Variants in DNAJC16 observed in about 807,000 individuals in gnomAD.
The protein encoded by DNAJC16 is dnaJ homolog subfamily C member 16.
Under a neutral mutation model 92.7 loss-of-function variants are expected in DNAJC16, and 76 were observed. That is an observed-to-expected ratio of 0.82 (90% CI 0.68 to 0.99). The LOEUF (loss-of-function observed/expected upper bound fraction) is 0.99, where lower values mean the gene tolerates loss of function less well. Ranked by LOEUF, DNAJC16 falls within the 50% of genes least tolerant of loss-of-function variation. The probability of loss-of-function intolerance (pLI) is 0.00; values close to 1 mark genes in which losing one functional copy is unlikely to be tolerated. For synonymous variants in DNAJC16, 328 were observed against 358.7 expected (o/e 0.91, Z 0.97); for missense variants, 869 against 942.4 (o/e 0.92, Z 1.02).
Position 15,559,533 on chromosome 1 carries a change from G to A in DNAJC16, c.1031G>A (p.Gly344Asp). The A allele has an allele frequency of 6.2e-7, 1 of 1,614,048 alleles. No individual in the cohort carries two copies. Among genetic ancestry groups the A allele is most frequent in the Non-Finnish European group, 8.5e-7 (1 of 1,179,960 alleles). ...NRPADVIQAR[G>D]MKKQIIDDFI... Reference sequence around the variant, plus strand: ...TTCTTGGTTTTTCTCTAGGCCCGAGGTATGAAGAAGCAAATCATTGACGAC... The same window carrying A: ...TTCTTGGTTTTTCTCTAGGCCCGAGATATGAAGAAGCAAATCATTGACGAC... Residue 344 changes from glycine (G) to aspartate (D), a missense_variant, in exon 8 of 15, where the codon GGT (glycine) becomes GAT (aspartate). Gly to Asp is a moderately conservative substitution (Grantham distance 94). Transcript: ENST00000375847.
chr1:15,568,573 C>G lies in DNAJC16; in HGVS notation c.*396C>G. The G allele has an allele frequency of 2.4e-6, 1 of 410,580 alleles. No individual in the cohort carries two copies. Among genetic ancestry groups the G allele is most frequent in the African/African-American group, 2.0e-5 (1 of 48,934 alleles). 25.4% of individuals were successfully genotyped at this position (410,580 alleles called of 1,614,324 possible). A position where few individuals can be genotyped will look rare whatever the true frequency, so the allele number is the denominator to read the frequency against. ...CATGAGCCTGTCGTGCAGGCCAGGT[C>G]ATTGGCCCCTTCCCCAATCCCGGCC... On this transcript the variant is annotated 3_prime_UTR_variant, in exon 15 of 15. Coordinates refer to ENST00000375847, the MANE Select transcript of DNAJC16 (RefSeq NM_015291.4).
intron 7 of DNAJC16, among the ~76,000 whole-genome samples, chr1:15,554,558 T>C (rs909028450): frequency 2.1e-4 from 32 of 152,238 alleles, no homozygotes; most frequent in African/African-American, 7.7e-4. Flanking sequence ...ATAGAACAAA[T>C]CTCCTCACTT....
rs1435824057 is a variant in DNAJC16, at chr1:15,567,116, G to C, written c.1796G>C (p.Gly599Ala). ...CTCCACAGCAAGATTCCTAAAAAAG[G>C]CTTTGTGGAGGTAACTGAACTCACA... is the stretch of plus-strand genomic sequence containing the variant. ...KENSSKIPKK[G>A]FVEVTELTDV... Residue 599 changes from glycine to alanine, a missense_variant, in exon 14 of 15, where the codon GGC (glycine) becomes GCC (alanine). Coordinates refer to ENST00000375847, the MANE Select transcript of DNAJC16 (RefSeq NM_015291.4). The C allele has an allele frequency of 6.2e-7, 1 of 1,609,576 alleles. No homozygotes were observed. Among genetic ancestry groups the C allele is most frequent in the African/African-American group, 1.3e-5 (1 of 74,960 alleles).
chr1:15,530,885 G>C (rs1710642160), intron 2 of DNAJC16, among the ~76,000 whole-genome samples: 1 of 152,114 alleles, frequency 6.6e-6, no homozygotes, highest in Non-Finnish European at 1.5e-5. Flanking sequence ...ACGGGGTTTT[G>C]CCATATTGGC....
chr1:15,539,371 T>G (rs1710876991), intron 4 of DNAJC16, among the ~76,000 whole-genome samples: 1 of 151,502 alleles, frequency 6.6e-6, no homozygotes, highest in African/African-American at 2.4e-5. Context: ...TCAGCCTCCC[T>G]AGTAGCTGGG....
intron 4 of DNAJC16, among the ~76,000 whole-genome samples, chr1:15,539,544 CT>C (rs893838216): frequency 6.7e-5 from 10 of 148,718 alleles, no homozygotes; most frequent in Middle Eastern, 3.5e-3. Context: ...CCACGCCTGG[CT>C]TTTTTTTTTC....
At chr1:15,539,108 A>G (rs1050642543) in intron 4 of DNAJC16, among the ~76,000 whole-genome samples, 1 of 152,200 alleles carries the variant, frequency 6.6e-6, no homozygotes, top group Non-Finnish European at 1.5e-5. Context: ...GATGTTTACT[A>G]ATGCACGGAA....
At position 15,536,652 on chromosome 1, in the gene DNAJC16, A is replaced by G. The variant is rs771285717; in HGVS notation, c.412A>G (p.Ile138Val). Reference protein sequence around the residue: ...FPFNSERRDSIDEKYLLHFSH... With the variant: ...FPFNSERRDSVDEKYLLHFSH... Reference sequence around the variant, plus strand: ...TTTTAATTCTGAACGGCGGGACTCAATTGACGAAAAGTATTTATTGCACTT... The same window carrying G: ...TTTTAATTCTGAACGGCGGGACTCAGTTGACGAAAAGTATTTATTGCACTT... The change falls in exon 4 of 15, where the codon ATT (isoleucine) becomes GTT (valine). Residue 138 changes from isoleucine to valine, a missense_variant. Physicochemically the swap from Ile to Val is conservative, Grantham distance 29. Transcript: ENST00000375847. 6.2e-7 allele frequency: 1 copy of G among 1,614,122 alleles called. No individual in the cohort carries two copies.
At chr1:15,528,329 G>A (rs1008169815) in intron 1 of DNAJC16, among the ~76,000 whole-genome samples, 5 of 152,148 alleles carry the variant, frequency 3.3e-5, no homozygotes, top group Non-Finnish European at 2.9e-5. Flanking sequence ...AGCTACTGGG[G>A]AGGCTGAGAC....
At position 15,567,287 on chromosome 1, in the gene DNAJC16, T is replaced by A; in HGVS notation, c.1949+18T>A. ...TTTACTGGGTAAGCATGTGTGTGTG[T>A]GCATGTATGTATGTGTGTGAGAGAG... On this transcript the variant is annotated intron_variant, in intron 14 of 14. Coordinates refer to ENST00000375847, the MANE Select transcript of DNAJC16 (RefSeq NM_015291.4). 1 of 1,604,388 alleles carries A rather than the reference T, an allele frequency of 6.2e-7. No homozygotes were observed. Among genetic ancestry groups the A allele is most frequent in the Non-Finnish European group, 8.5e-7 (1 of 1,172,226 alleles).
chr1:15,528,111 G>A (rs1217086882), intron 1 of DNAJC16, among the ~76,000 whole-genome samples: 1 of 152,102 alleles, frequency 6.6e-6, no homozygotes, highest in Non-Finnish European at 1.5e-5. Context: ...TTTTCTTGCC[G>A]CTTTTTCTCA....
intron 7 of DNAJC16, among the ~76,000 whole-genome samples, chr1:15,551,869 C>T (rs1008772885): frequency 1.4e-4 from 22 of 151,736 alleles, no homozygotes; most frequent in Non-Finnish European, 3.1e-4. Flanking sequence ...CCCGTCTCTA[C>T]TAAAAATACA....
At chr1:15,552,488 CAA>C (rs985405995) in intron 7 of DNAJC16, among the ~76,000 whole-genome samples, 1 of 142,986 alleles carries the variant, frequency 7.0e-6, no homozygotes, top group Admixed American at 7.0e-5. Context: ...GACTTCATCT[CAA>C]AAAAAAAAAG....
chr1:15,567,292 GTA>G (rs747247097), intron 14 of DNAJC16, 23 bp downstream of exon 14: 1 of 1,597,864 alleles, frequency 6.3e-7, no homozygotes, highest in African/African-American at 1.3e-5. Flanking sequence ...GTGTGTGCAT[GTA>G]TGTATGTGTG....
At chr1:15,555,400 A>AG (rs1442668668) in intron 7 of DNAJC16, among the ~76,000 whole-genome samples, 10 of 148,088 alleles carry the variant, frequency 6.8e-5, no homozygotes, top group African/African-American at 2.5e-4. Flanking sequence ...AAAAAAAAAA[A>AG]GAGGCCGGGT....
chr1:15,549,675 G>A lies in DNAJC16; in HGVS notation c.1023+1247G>A, dbSNP rs548423054. Among the ~76,000 whole-genome samples the A allele has an allele frequency of 7.2e-5, 11 of 152,134 alleles. No homozygotes were observed. In the South Asian group the frequency reaches 1.7e-3, roughly 23 times the overall value. On this transcript the variant is annotated intron_variant, in intron 7 of 14. Coordinates refer to ENST00000375847, the MANE Select transcript of DNAJC16 (RefSeq NM_015291.4). ...TAAAAATACAAAAAATTAGCCGGGC[G>A]TGGTGGTGGGCCCCTGTAGTCCCAG...
At chr1:15,538,397 G>GA (rs1404445109) in intron 4 of DNAJC16, among the ~76,000 whole-genome samples, 1 of 149,290 alleles carries the variant, frequency 6.7e-6, no homozygotes, top group African/African-American at 2.5e-5. Context: ...TCTGTCTCAA[G>GA]AAAAAAAAAT....
intron 5 of DNAJC16, among the ~76,000 whole-genome samples, chr1:15,545,922 G>A (rs1357750972): frequency 1.3e-5 from 2 of 152,130 alleles, no homozygotes; most frequent in Admixed American, 1.3e-4. Context: ...AGATATCAGT[G>A]GAGGAAAGTA....
At chr1:15,558,317 G>A (rs1638616683) in intron 7 of DNAJC16, among the ~76,000 whole-genome samples, 1 of 151,676 alleles carries the variant, frequency 6.6e-6, no homozygotes, top group Non-Finnish European at 1.5e-5. Context: ...AGGTAGCTGG[G>A]ATTGCAGGCA....
Sources: gnomAD v4.1 joint callset for allele counts (sites outside exome capture counted in the v4.1 genomes callset) on GRCh38, gnomAD v4.1.1 for gene constraint, MANE v1.5 for transcripts, NCBI Gene and HGNC (gene_info 2026-07-23, HGNC 2026-07-21) for gene names.